HPSE2: variants seen among roughly 807,000 people sequenced by gnomAD.
The protein encoded by HPSE2 is inactive heparanase-2.
In HPSE2, 38 loss-of-function variants were observed where a neutral mutation model predicts 60.5. The observed-to-expected ratio is 0.63, with a 90% CI of 0.48 to 0.82. The LOEUF (loss-of-function observed/expected upper bound fraction) is 0.82, where lower values mean the gene tolerates loss of function less well. Ranked by LOEUF, HPSE2 falls within the 40% of genes least tolerant of loss-of-function variation. The pLI, the probability that HPSE2 is intolerant of heterozygous loss-of-function variation, is 0.00. For missense variants in HPSE2, 713 were observed against 740.4 expected (o/e 0.96, Z 0.43); for synonymous variants, 295 against 293.2 (o/e 1.01, Z -0.06).
At chr10:99,125,723 A>G (rs72838846) in intron 3 of HPSE2, among the ~76,000 whole-genome samples, 2 of 152,328 alleles carry the variant, frequency 1.3e-5, no homozygotes, top group Non-Finnish European at 2.9e-5. Flanking sequence ...TCACAGGAGA[A>G]AGATTTAACC....
intron 3 of HPSE2, among the ~76,000 whole-genome samples, chr10:98,875,485 C>T (rs908342810): frequency 6.6e-6 from 1 of 151,676 alleles, no homozygotes; most frequent in Admixed American, 6.6e-5. Context: ...AGGAAGAAGT[C>T]GAATCCCTGA....
intron 4 of HPSE2, among the ~76,000 whole-genome samples, chr10:98,723,553 T>C (rs561900290): frequency 1.3e-5 from 2 of 152,332 alleles, no homozygotes; most frequent in Admixed American, 6.5e-5. Flanking sequence ...CAGCTCCTCC[T>C]TGTACTGCTG....
At chr10:98,621,681 C>A (rs978792238) in intron 7 of HPSE2, among the ~76,000 whole-genome samples, 1 of 152,194 alleles carries the variant, frequency 6.6e-6, no homozygotes, top group African/African-American at 2.4e-5. Context: ...CAGAACTGAC[C>A]CCCAAGGGGA....
intron 3 of HPSE2, among the ~76,000 whole-genome samples, chr10:98,850,863 C>T (rs1255613152): frequency 1.3e-5 from 2 of 151,622 alleles, no homozygotes; most frequent in African/African-American, 4.9e-5. Flanking sequence ...ATATCAGAGA[C>T]ATTGAATAAC....
At chr10:98,479,782 T>C (rs1489987696) in intron 11 of HPSE2, among the ~76,000 whole-genome samples, 5 of 152,184 alleles carry the variant, frequency 3.3e-5, no homozygotes, top group Non-Finnish European at 7.3e-5. Context: ...ATCCAACATA[T>C]GTAAAATCGT....
intron 3 of HPSE2, among the ~76,000 whole-genome samples, chr10:98,972,530 G>A (rs534176009): frequency 5.9e-5 from 9 of 152,050 alleles, no homozygotes; most frequent in African/African-American, 2.2e-4. Context: ...TTCACATATA[G>A]GTCCACTGAT....
chr10:98,573,606 A>AGCACAGGTGAAATGGGGTGAGAGCGTTT (rs1944562420), intron 9 of HPSE2, among the ~76,000 whole-genome samples: 1 of 152,150 alleles, frequency 6.6e-6, no homozygotes, highest in Non-Finnish European at 1.5e-5. Flanking sequence ...GAAAATGGAA[A>AGCACAGGTGAAATGGGGTGAGAGCGTTT]CCAGCAGGAA....
rs912253174 is a variant in HPSE2, at chr10:98,887,934, T to TAATAAA, written c.611-143879_611-143878insTTTATT. Among the ~76,000 whole-genome samples the TAATAAA allele has an allele frequency of 1.8e-3, 265 of 149,802 alleles. 1 individual carries two copies. Among genetic ancestry groups the TAATAAA allele is most frequent in the African/African-American group, 6.0e-3 (245 of 40,882 alleles). On this transcript the variant is annotated intron_variant, in intron 3 of 11. Coordinates refer to ENST00000370552, the MANE Select transcript of HPSE2 (RefSeq NM_021828.5). The stretch of plus-strand genomic sequence containing the variant: ...AAAACTTAATGTATAATAATAATAA[T>TAATAAA]AAAATAAAAAATTAAAAATTAAAGA...
rs1393925254 is a variant in HPSE2 at position 98,941,033 on chromosome 10, AC to A, written c.611-196978del. On this transcript the variant is annotated intron_variant, in intron 3 of 11. Transcript: ENST00000370552. ...AAAAGGCCTTTCACAAAATTCAACA[AC>A]CCTTCATGCTAAAACTCTCAATAAA... Among the ~76,000 whole-genome samples, 21 of 133,234 alleles carry A rather than the reference AC, an allele frequency of 1.6e-4. 2 individuals are homozygous for A. Among genetic ancestry groups the A allele is most frequent in the East Asian group, 1.0e-3 (5 of 4,938 alleles). The allele number at this position is 133,234 out of a possible 152,430, so 87.4% of individuals were successfully genotyped here. A position where few individuals can be genotyped will look rare whatever the true frequency, so the allele number is the denominator to read the frequency against.
chr10:98,640,049 G>A (rs1946598878), intron 7 of HPSE2, among the ~76,000 whole-genome samples: 1 of 152,142 alleles, frequency 6.6e-6, no homozygotes, highest in Middle Eastern at 3.2e-3. Context: ...TCCTTCTAGA[G>A]GGCAATATGT....
At chr10:98,655,760 A>C (rs1318988017) in intron 6 of HPSE2, among the ~76,000 whole-genome samples, 2 of 152,026 alleles carry the variant, frequency 1.3e-5, no homozygotes, top group African/African-American at 4.8e-5. Context: ...ATTGTCAATT[A>C]GTAGGTTAAT....
intron 3 of HPSE2, among the ~76,000 whole-genome samples, chr10:98,922,438 C>A (rs1348749088): frequency 6.6e-6 from 1 of 152,188 alleles, no homozygotes; most frequent in African/African-American, 2.4e-5. Context: ...AGTCTCATTT[C>A]ATGAAGATAC....
intron 3 of HPSE2, among the ~76,000 whole-genome samples, chr10:99,138,043 A>G (rs1002401439): frequency 6.6e-6 from 1 of 152,240 alleles, no homozygotes; most frequent in Non-Finnish European, 1.5e-5. Context: ...ACAAATTTAC[A>G]AGAAAAAACA....
chr10:98,493,952 A>G (rs1282817929), intron 9 of HPSE2, among the ~76,000 whole-genome samples: 2 of 152,098 alleles, frequency 1.3e-5, no homozygotes, highest in South Asian at 2.1e-4. Flanking sequence ...TGCATATTCT[A>G]TAACTATTTT....
intron 3 of HPSE2, among the ~76,000 whole-genome samples, chr10:98,971,271 T>A (rs933712711): frequency 5.9e-5 from 9 of 152,246 alleles, no homozygotes; most frequent in East Asian, 1.9e-4. Flanking sequence ...GTGGATTTTT[T>A]AAAAAATTCT....
intron 3 of HPSE2, among the ~76,000 whole-genome samples, chr10:98,767,202 A>G (rs1283651741): frequency 1.3e-5 from 2 of 152,210 alleles, no homozygotes; most frequent in Non-Finnish European, 2.9e-5. Flanking sequence ...CTTGTGTACA[A>G]GGAGACAAGA....
At chr10:98,954,907 C>T (rs1011068155) in intron 3 of HPSE2, among the ~76,000 whole-genome samples, 1 of 150,790 alleles carries the variant, frequency 6.6e-6, no homozygotes, top group African/African-American at 2.4e-5. Context: ...CAAAAAAACA[C>T]TTAGAAGTGA....
the HPSE2 span, among the ~76,000 whole-genome samples, chr10:99,254,423 AAACT>A: frequency 2.6e-5 from 4 of 152,192 alleles, no homozygotes; most frequent in South Asian, 2.1e-4. Flanking sequence ...GAAGGTTGAA[AAACT>A]AACTATTGGT....
Position 98,627,590 on chromosome 10 carries a change from G to T in HPSE2, c.1099-6882C>A, listed in dbSNP as rs550645244. Among the ~76,000 whole-genome samples, 181 of 152,276 alleles carry T rather than the reference G, an allele frequency of 1.2e-3. No homozygotes were observed. In the South Asian group the frequency reaches 0.035, roughly 30 times the overall value. On this transcript the variant is annotated intron_variant, in intron 7 of 11. Transcript: ENST00000370552. ...ATTCTGGTTCTATTATTTACTTACTGCATGACTTTGAATGAGTTGTATTAC... is the reference window on the plus strand; with the variant it reads ...ATTCTGGTTCTATTATTTACTTACTTCATGACTTTGAATGAGTTGTATTAC...
Sources: allele counts gnomAD v4.1 joint callset (sites outside exome capture counted in the v4.1 genomes callset), GRCh38; gene constraint gnomAD v4.1.1; transcripts MANE v1.5; gene names NCBI Gene and HGNC (gene_info 2026-07-23, HGNC 2026-07-21).